Variants in ADAMTSL3 observed in about 807,000 individuals in gnomAD.
ADAMTSL3 encodes the protein ADAMTS-like protein 3.
Under a neutral mutation model 201.7 loss-of-function variants are expected in ADAMTSL3, and 128 were observed. The ratio of observed to expected loss-of-function variants is 0.63; its 90% CI spans 0.55 to 0.73. ADAMTSL3 has a LOEUF of 0.73. Among genes scored for constraint, ADAMTSL3 ranks in the 30% least tolerant of loss-of-function variants. ADAMTSL3 has a pLI of 0.00. For synonymous variants in ADAMTSL3, 738 were observed against 748.4 expected, an observed-to-expected ratio of 0.99 and a Z score of 0.23; for missense variants, 1,990 against 2,119.6, an observed-to-expected ratio of 0.94 and a Z score of 1.20.
intron 3 of ADAMTSL3, among the ~76,000 whole-genome samples, chr15:83,719,899 A>G (rs976707473): frequency 1.3e-5 from 2 of 152,154 alleles, no homozygotes; most frequent in African/African-American, 2.4e-5. Context: ...TGGCAAAGCC[A>G]ATTTCATACC....
chr15:83,748,606 T>C (rs945899508), intron 3 of ADAMTSL3, among the ~76,000 whole-genome samples: 4 of 128,072 alleles, frequency 3.1e-5, no homozygotes, highest in Non-Finnish European at 4.6e-5. Context: ...ACTGAGATTG[T>C]GCCAATGCAC....
rs143504612 is a variant in ADAMTSL3 at position 83,898,113 on chromosome 15, T to G, written c.1615+108T>G. ...TTACTACTTTCTTATAAAAATTGTT[T>G]TATTGACAGATTGCAATAGACCTTC... On this transcript the variant is annotated intron_variant, in intron 14 of 29. Coordinates refer to ENST00000286744, the MANE Select transcript of ADAMTSL3 (RefSeq NM_207517.3). The G allele has an allele frequency of 3.3e-4, 437 of 1,311,998 alleles. 1 individual carries two copies. Among genetic ancestry groups the G allele is most frequent in the Non-Finnish European group, 4.4e-4 (418 of 958,842 alleles). The allele number at this position is 1,311,998 out of a possible 1,614,324, so 81.3% of individuals were successfully genotyped here. A position where few individuals can be genotyped will look rare whatever the true frequency, so the allele number is the denominator to read the frequency against.
At chr15:83,974,601 T>C (rs2067250458) in intron 20 of ADAMTSL3, among the ~76,000 whole-genome samples, 1 of 152,190 alleles carries the variant, frequency 6.6e-6, no homozygotes, top group South Asian at 2.1e-4. Flanking sequence ...TTTTTCTATA[T>C]AATCCCCCAA....
intron 8 of ADAMTSL3, among the ~76,000 whole-genome samples, chr15:83,866,524 C>G (rs1007840223): frequency 6.6e-6 from 1 of 151,902 alleles, no homozygotes; most frequent in African/African-American, 2.4e-5. Flanking sequence ...AAAACAAACA[C>G]TGTGTGTTCT....
At chr15:83,870,431 T>G (rs1425602594) in intron 8 of ADAMTSL3, among the ~76,000 whole-genome samples, 1 of 152,240 alleles carries the variant, frequency 6.6e-6, no homozygotes, top group Non-Finnish European at 1.5e-5. Context: ...CTGTGATTTT[T>G]GTCTAAAAGA....
intron 23 of ADAMTSL3, among the ~76,000 whole-genome samples, chr15:83,999,278 A>G (rs547736952): frequency 1.3e-5 from 2 of 152,336 alleles, no homozygotes; most frequent in East Asian, 3.9e-4. Flanking sequence ...AACTTAAACC[A>G]TTTGTACTTC....
chr15:83,900,431 A>G (rs10906983), intron 15 of ADAMTSL3, among the ~76,000 whole-genome samples: 95,428 of 152,130 alleles, frequency 0.63, 31,026 homozygotes, highest in African/African-American at 0.79. Flanking sequence ...AAAGAGAGCA[A>G]GAAATCAAAG....
chr15:83,872,012 A>C (rs569394002), intron 9 of ADAMTSL3, among the ~76,000 whole-genome samples: 51 of 152,332 alleles, frequency 3.3e-4, no homozygotes, highest in Non-Finnish European at 5.9e-4. Flanking sequence ...ACGGAGGTAG[A>C]TTAGAGTTGC....
intron 3 of ADAMTSL3, among the ~76,000 whole-genome samples, chr15:83,755,512 A>G (rs2062705994): frequency 6.6e-6 from 1 of 152,100 alleles, no homozygotes; most frequent in Non-Finnish European, 1.5e-5. Context: ...GAATCATACA[A>G]TATTTATCCT....
chr15:84,016,323 G>A, intron 24 of ADAMTSL3, 60 bp from the exon 25 acceptor site: 3 of 1,362,328 alleles, frequency 2.2e-6, no homozygotes, highest in Non-Finnish European at 1.0e-6. Flanking sequence ...GAACACCCAA[G>A]CTGGACCAAT....
chr15:83,838,962 G>A (rs1028885763), intron 7 of ADAMTSL3, among the ~76,000 whole-genome samples: 3 of 152,202 alleles, frequency 2.0e-5, no homozygotes, highest in Non-Finnish European at 2.9e-5. Context: ...AAATAGATCA[G>A]CATGGCTACA....
chr15:83,753,132 C>G (rs1236328081), intron 3 of ADAMTSL3, among the ~76,000 whole-genome samples: 1 of 152,212 alleles, frequency 6.6e-6, no homozygotes, highest in Non-Finnish European at 1.5e-5. Flanking sequence ...CTGCAAAACC[C>G]TGGCTACCTT....
chr15:83,823,812 T>A (rs1042888546), intron 6 of ADAMTSL3, among the ~76,000 whole-genome samples: 16 of 152,222 alleles, frequency 1.1e-4, no homozygotes. Flanking sequence ...TTGAGGATTC[T>A]TGTCTATCTC....
chr15:83,790,368 A>T (rs906510965), intron 4 of ADAMTSL3, among the ~76,000 whole-genome samples: 1 of 151,384 alleles, frequency 6.6e-6, no homozygotes, highest in African/African-American at 2.4e-5. Flanking sequence ...AAAGATATAA[A>T]AGGAATTATA....
chr15:83,726,696 A>G, intron 3 of ADAMTSL3, among the ~76,000 whole-genome samples: 1 of 152,060 alleles, frequency 6.6e-6, no homozygotes, highest in East Asian at 1.9e-4. Context: ...GATGTGTCAC[A>G]TTGATTTGCA....
intron 2 of ADAMTSL3, among the ~76,000 whole-genome samples, chr15:83,673,280 C>T (rs1483021611): frequency 6.6e-6 from 1 of 152,178 alleles, no homozygotes; most frequent in Non-Finnish European, 1.5e-5. Context: ...CCAGCCTACA[C>T]CATGGAATGA....
intron 11 of ADAMTSL3, among the ~76,000 whole-genome samples, chr15:83,890,529 A>G (rs1312294823): frequency 6.6e-6 from 1 of 152,224 alleles, no homozygotes; most frequent in African/African-American, 2.4e-5. Flanking sequence ...TAAAATGTCT[A>G]GTCCATCTGC....
intron 21 of ADAMTSL3, among the ~76,000 whole-genome samples, chr15:83,988,442 T>G (rs2067521438): frequency 6.6e-6 from 1 of 152,206 alleles, no homozygotes; most frequent in Non-Finnish European, 1.5e-5. Context: ...TAAAGTGGGA[T>G]GGGAAGACTG....
chr15:83,861,068 G>A (rs1034016929), intron 8 of ADAMTSL3, among the ~76,000 whole-genome samples: 1 of 152,220 alleles, frequency 6.6e-6, no homozygotes, highest in Non-Finnish European at 1.5e-5. Context: ...CTTGCTCATT[G>A]CTAGCACAGC....
Sources: allele counts gnomAD v4.1 joint callset (sites outside exome capture counted in the v4.1 genomes callset), GRCh38; gene constraint gnomAD v4.1.1; transcripts MANE v1.5; gene names NCBI Gene and HGNC (gene_info 2026-07-23, HGNC 2026-07-21).